The following AUTS2 variants were observed in gnomAD, a reference collection of about 807,000 sequenced individuals.
The protein encoded by AUTS2 is activator of transcription and developmental regulator AUTS2.
AUTS2 carries 17 observed loss-of-function variants against 112.4 expected under a neutral mutation model. The observed-to-expected ratio is 0.15, with a 90% CI of 0.10 to 0.23. The LOEUF is 0.23. Ranked by LOEUF, AUTS2 falls within the 10% of genes least tolerant of loss-of-function variation. AUTS2 has a pLI of 1.00. For missense variants in AUTS2, 1,510 were observed against 1,701.6 expected (o/e 0.89, Z 1.98); for synonymous variants, 751 against 702.7 (o/e 1.07, Z -1.09).
At chr7:70,016,624 C>CCACCATG (rs1486278851) in intron 2 of AUTS2, among the ~76,000 whole-genome samples, 1 of 151,784 alleles carries the variant, frequency 6.6e-6, no homozygotes, top group African/African-American at 2.4e-5. Context: ...ATTGTGTAGT[C>CCACCATG]CACCATGGAG....
intron 2 of AUTS2, among the ~76,000 whole-genome samples, chr7:70,088,698 C>T (rs1264708066): frequency 2.6e-5 from 4 of 151,476 alleles, no homozygotes; most frequent in East Asian, 2.0e-4. Flanking sequence ...CTGCAACCTC[C>T]GCCTCCCAGG....
chr7:69,865,335 C>G (rs1793174176), intron 1 of AUTS2, among the ~76,000 whole-genome samples: 1 of 152,020 alleles, frequency 6.6e-6, no homozygotes, highest in Non-Finnish European at 1.5e-5. Context: ...GAATGGTGCC[C>G]AGAGCTATGT....
intron 4 of AUTS2, among the ~76,000 whole-genome samples, chr7:70,224,683 C>T (rs1179661578): frequency 6.6e-6 from 1 of 152,126 alleles, no homozygotes; most frequent in African/African-American, 2.4e-5. Flanking sequence ...TCATGCACTG[C>T]TCACTCACTC....
intron 5 of AUTS2, among the ~76,000 whole-genome samples, chr7:70,467,273 G>T (rs1797202563): frequency 6.6e-6 from 1 of 152,170 alleles, no homozygotes; most frequent in South Asian, 2.1e-4. Flanking sequence ...CTCATCCAAG[G>T]CCTCATACCT....
At chr7:70,486,564 C>T (rs114320321) in intron 5 of AUTS2, among the ~76,000 whole-genome samples, 9,463 of 151,974 alleles carry the variant, frequency 0.062, 339 homozygotes, top group Non-Finnish European at 0.069. Flanking sequence ...GGCAAAAGCC[C>T]GTCTCTACTA....
In AUTS2 at chr7:70,431,002, A is replaced by AT. The variant is rs540725369; in HGVS notation, c.661-4742dup. Among the ~76,000 whole-genome samples, 369 of 151,396 alleles carry AT rather than the reference A, an allele frequency of 2.4e-3. 1 individual carries two copies. The highest frequency in any genetic ancestry group is 8.3e-3 in the African/African-American group (342 of 41,306). ...AGGCGCCCGCCAGCACGCCCAGCTAATTTTTTTTGTATTTTTAGTAGAGAC... is the reference window on the plus strand; with the variant it reads ...AGGCGCCCGCCAGCACGCCCAGCTAATTTTTTTTTGTATTTTTAGTAGAGAC... On this transcript the variant is annotated intron_variant, in intron 4 of 18. Coordinates refer to ENST00000342771, the MANE Select transcript of AUTS2 (RefSeq NM_015570.4).
intron 2 of AUTS2, among the ~76,000 whole-genome samples, chr7:69,992,040 G>C (rs1798761377): frequency 6.6e-6 from 1 of 152,206 alleles, no homozygotes; most frequent in South Asian, 2.1e-4. Context: ...ATCAGGTGTT[G>C]AAGTCATTTT....
At chr7:69,702,049 T>C (rs1797837602) in intron 1 of AUTS2, among the ~76,000 whole-genome samples, 1 of 152,216 alleles carries the variant, frequency 6.6e-6, no homozygotes, top group African/African-American at 2.4e-5. Context: ...GTGCATCCTC[T>C]TTATTTGACT....
intron 5 of AUTS2, among the ~76,000 whole-genome samples, chr7:70,697,548 G>T: frequency 1.4e-5 from 2 of 140,080 alleles, no homozygotes; most frequent in South Asian, 2.5e-4. Flanking sequence ...AAAATATGCT[G>T]CACTTCAGAA....
At chr7:69,915,844 AGC>A (rs1311216836) in intron 2 of AUTS2, among the ~76,000 whole-genome samples, 1 of 152,120 alleles carries the variant, frequency 6.6e-6, no homozygotes, top group Admixed American at 6.6e-5. Context: ...CTTCCACCTC[AGC>A]CTCCTGAGTA....
intron 1 of AUTS2, among the ~76,000 whole-genome samples, chr7:69,837,421 C>G (rs985447631): frequency 1.1e-4 from 16 of 152,120 alleles, no homozygotes; most frequent in African/African-American, 3.6e-4. Flanking sequence ...CTAGACGTCT[C>G]TCTCCTGGTT....
intron 2 of AUTS2, among the ~76,000 whole-genome samples, chr7:70,035,548 G>A (rs1223182608): frequency 1.3e-5 from 2 of 152,128 alleles, no homozygotes; most frequent in Non-Finnish European, 2.9e-5. Context: ...AGACGATTGT[G>A]AATTATATTT....
intron 1 of AUTS2, among the ~76,000 whole-genome samples, chr7:69,880,447 A>G (rs751680541): frequency 5.3e-5 from 8 of 152,160 alleles, no homozygotes; most frequent in Admixed American, 1.3e-4. Flanking sequence ...CTTCATTAGC[A>G]TTCACTACCA....
intron 5 of AUTS2, among the ~76,000 whole-genome samples, chr7:70,635,266 ATGT>A (rs1199679499): frequency 2.6e-5 from 4 of 152,144 alleles, no homozygotes; most frequent in African/African-American, 7.2e-5. Flanking sequence ...TGACATTCAG[ATGT>A]GCCTCTCCTG....
intron 5 of AUTS2, among the ~76,000 whole-genome samples, chr7:70,619,911 G>A (rs1474914039): frequency 1.3e-5 from 2 of 152,172 alleles, no homozygotes; most frequent in African/African-American, 2.4e-5. Context: ...TCACTGTTCA[G>A]GTACTTGAGT....
intron 2 of AUTS2, among the ~76,000 whole-genome samples, chr7:70,073,839 G>A (rs886460419): frequency 7.2e-5 from 11 of 152,144 alleles, no homozygotes; most frequent in African/African-American, 2.7e-4. Flanking sequence ...CCAATACTGG[G>A]GAAATATGTG....
At chr7:70,478,602 T>C (rs1199869976) in intron 5 of AUTS2, among the ~76,000 whole-genome samples, 1 of 152,132 alleles carries the variant, frequency 6.6e-6, no homozygotes, top group East Asian at 1.9e-4. Context: ...TATATGCAAA[T>C]ATGATGGCAC....
At chr7:69,814,344 GA>G (rs779234041) in intron 1 of AUTS2, among the ~76,000 whole-genome samples, 18 of 152,198 alleles carry the variant, frequency 1.2e-4, no homozygotes, top group Non-Finnish European at 2.1e-4. Flanking sequence ...TTTGGAGTGA[GA>G]AAATGAGACT....
At chr7:69,758,246 G>A (rs1788024159) in intron 1 of AUTS2, among the ~76,000 whole-genome samples, 1 of 152,224 alleles carries the variant, frequency 6.6e-6, no homozygotes, top group African/African-American at 2.4e-5. Flanking sequence ...GGATTCTGAA[G>A]CAGCATATAC....
Sources: gnomAD v4.1 joint callset for allele counts (sites outside exome capture counted in the v4.1 genomes callset) on GRCh38, gnomAD v4.1.1 for gene constraint, MANE v1.5 for transcripts, NCBI Gene and HGNC (gene_info 2026-07-23, HGNC 2026-07-21) for gene names.